Variants in MIR2052HG observed in about 807,000 individuals in gnomAD.
MIR2052HG encodes the protein MIR2052 host gene.
intron 2 of MIR2052HG, among the ~76,000 whole-genome samples, chr8:74,656,565 A>T (rs1170806668): frequency 6.6e-6 from 1 of 152,128 alleles, no homozygotes; most frequent in Non-Finnish European, 1.5e-5. Flanking sequence ...TCCTGCCATG[A>T]TTCTGAGGCC....
chr8:74,726,673 A>C (rs1809639869), intron 4 of MIR2052HG, among the ~76,000 whole-genome samples: 1 of 152,314 alleles, frequency 6.6e-6, no homozygotes, highest in African/African-American at 2.4e-5. Context: ...TGAACTGTGG[A>C]GCATGTCTTG....
At chr8:74,719,656 G>C (rs1809554439) in intron 4 of MIR2052HG, among the ~76,000 whole-genome samples, 1 of 151,884 alleles carries the variant, frequency 6.6e-6, no homozygotes, top group African/African-American at 2.4e-5. Context: ...TAACTACTTG[G>C]AGGTCATCAT....
chr8:74,719,849 C>CTTTTT (rs10647233), intron 4 of MIR2052HG, among the ~76,000 whole-genome samples: 13 of 106,734 alleles, frequency 1.2e-4, no homozygotes, highest in East Asian at 3.1e-4. Flanking sequence ...TTTCTTTTTT[C>CTTTTT]TTTTTTTTTT....
At chr8:74,625,198 A>G (rs1329590902) in intron 2 of MIR2052HG, 2 of 152,246 alleles carry the variant, frequency 1.3e-5, no homozygotes, top group African/African-American at 4.8e-5. Flanking sequence ...AGCAAGGACT[A>G]CAGGCATACA....
At chr8:74,662,876 G>GTGTGTGTGTGTA (rs1262325523) in intron 2 of MIR2052HG, among the ~76,000 whole-genome samples, 7 of 151,232 alleles carry the variant, frequency 4.6e-5, no homozygotes, top group African/African-American at 1.7e-4. Context: ...GTGTGTGTGT[G>GTGTGTGTGTGTA]TGTGTGTGTG....
chr8:74,673,910 T>TATATATATATATATATATACATACAC (rs1485340799), intron 2 of MIR2052HG, among the ~76,000 whole-genome samples: 1 of 133,244 alleles, frequency 7.5e-6, no homozygotes, highest in African/African-American at 3.4e-5. Context: ...TATATATATA[T>TATATATATATATATATATACATACAC]ACACACACAA....
At chr8:74,704,278 T>A (rs973878068) in intron 4 of MIR2052HG, among the ~76,000 whole-genome samples, 14 of 152,044 alleles carry the variant, frequency 9.2e-5, no homozygotes, top group African/African-American at 2.9e-4. Flanking sequence ...TGGCATGTGA[T>A]CAATGCTTGG....
chr8:74,693,680 A>G (rs1809266299), intron 2 of MIR2052HG, among the ~76,000 whole-genome samples: 1 of 151,928 alleles, frequency 6.6e-6, no homozygotes, highest in South Asian at 2.1e-4. Context: ...GGTGAGGCCT[A>G]TCACTGCCAG....
At chr8:74,604,768 ATTTT>A (rs150345230) in intron 1 of MIR2052HG, among the ~76,000 whole-genome samples, 1,947 of 150,726 alleles carry the variant, frequency 0.013, 41 homozygotes, top group African/African-American at 0.044. Context: ...TAATTTTTGT[ATTTT>A]TAGTAGAGAC....
chr8:74,722,501 A>G (rs758785845), intron 4 of MIR2052HG, among the ~76,000 whole-genome samples: 1 of 152,114 alleles, frequency 6.6e-6, no homozygotes, highest in Non-Finnish European at 1.5e-5. Context: ...TTTTAAACCT[A>G]TTTCTACATT....
chr8:74,613,291 G>A (rs1419626273), intron 2 of MIR2052HG, among the ~76,000 whole-genome samples: 3 of 152,032 alleles, frequency 2.0e-5, no homozygotes, highest in African/African-American at 7.2e-5. Flanking sequence ...ATTCAAGAAG[G>A]GTAAGGCATA....
chr8:74,717,243 G>A (rs1213005334), intron 4 of MIR2052HG, among the ~76,000 whole-genome samples: 1 of 152,002 alleles, frequency 6.6e-6, no homozygotes. Flanking sequence ...ACTTATGAGT[G>A]AGAACATGTG....
chr8:74,660,333 A>T (rs1298776266), intron 2 of MIR2052HG, among the ~76,000 whole-genome samples: 1 of 152,080 alleles, frequency 6.6e-6, no homozygotes, highest in Admixed American at 6.6e-5. Context: ...CTGAAAGAAG[A>T]CTCTGGCCCA....
chr8:74,620,998 A>G (rs1586892764), intron 2 of MIR2052HG, among the ~76,000 whole-genome samples: 3 of 152,362 alleles, frequency 2.0e-5, no homozygotes, highest in Admixed American at 2.0e-4. Flanking sequence ...TTTCAAGTTC[A>G]AAGTTCCACA....
chr8:74,700,488 C>G (rs1422338091), intron 2 of MIR2052HG, among the ~76,000 whole-genome samples: 2 of 152,074 alleles, frequency 1.3e-5, no homozygotes, highest in African/African-American at 4.8e-5. Flanking sequence ...AATTTAATAA[C>G]AATACTAGCT....
intron 1 of MIR2052HG, among the ~76,000 whole-genome samples, chr8:74,604,642 G>A (rs1808084889): frequency 7.4e-6 from 1 of 135,728 alleles, no homozygotes; most frequent in Admixed American, 8.2e-5. Flanking sequence ...TGCCCAGGCT[G>A]GAGTGCAATG....
intron 5 of MIR2052HG, among the ~76,000 whole-genome samples, chr8:74,756,138 C>G (rs1809998019): frequency 6.6e-6 from 1 of 152,150 alleles, no homozygotes; most frequent in Non-Finnish European, 1.5e-5. Context: ...CAGGAAAGTA[C>G]TATAATTAGA....
chr8:74,651,854 A>G (rs1308425996), intron 2 of MIR2052HG, among the ~76,000 whole-genome samples: 2 of 152,172 alleles, frequency 1.3e-5, no homozygotes, highest in African/African-American at 4.8e-5. Flanking sequence ...GTGAAATCAA[A>G]GTGTGGACTC....
At chr8:74,602,877 T>TTTCTTTTCTTTCTTTCTTTCTTTC (rs1808041801) in intron 1 of MIR2052HG, among the ~76,000 whole-genome samples, 4 of 53,786 alleles carry the variant, frequency 7.4e-5, no homozygotes, top group Non-Finnish European at 1.4e-4. Context: ...TTCTTTCTTT[T>TTTCTTTTCTTTCTTTCTTTCTTTC]TTCTATTCAC....
Sources: allele counts gnomAD v4.1 joint callset (sites outside exome capture counted in the v4.1 genomes callset), GRCh38; gene constraint gnomAD v4.1.1; transcripts MANE v1.5; gene names NCBI Gene and HGNC (gene_info 2026-07-23, HGNC 2026-07-21).